The following GSTO2 variants were observed in gnomAD, a reference collection of about 807,000 sequenced individuals.
The protein encoded by GSTO2 is glutathione S-transferase omega 2.
A neutral mutation model predicts 28.4 loss-of-function variants in GSTO2; 23 were observed. The ratio of observed to expected loss-of-function variants is 0.81; its 90% confidence interval spans 0.58 to 1.15. GSTO2 has a LOEUF of 1.15. GSTO2 is among the 50% of genes most tolerant of loss of function. The pLI, the probability that GSTO2 is intolerant of heterozygous loss-of-function variation, is 0.00. For missense variants in GSTO2, 298 were observed against 297.8 expected (o/e 1.00, Z 0.00); for synonymous variants, 109 against 111.0 (o/e 0.98, Z 0.11).
Position 104,299,511 on chromosome 10 carries a change from T to G in GSTO2, c.*227T>G, listed in dbSNP as rs915689228. ...TTTTTTTTTTGAGGCAAGATCTTGC[T>G]TCGTTACTCAGGCTGGAGTGCAGTG... On this transcript the variant is annotated 3_prime_UTR_variant, in exon 7 of 7. Transcript: ENST00000338595. 42 of 478,434 alleles carry G rather than the reference T, an allele frequency of 8.8e-5. 3 individuals are homozygous for G. In the South Asian group the frequency reaches 9.2e-4, roughly 11 times the overall value. 29.6% of individuals were successfully genotyped at this position (478,434 alleles called of 1,614,324 possible).
chr10:104,275,537 T>A (rs1299246959), intron 3 of GSTO2, among the ~76,000 whole-genome samples: 5 of 152,126 alleles, frequency 3.3e-5, no homozygotes. Context: ...GAGTCACGCC[T>A]ATGCATGAAA....
At chr10:104,296,590 G>A (rs1431681582) in intron 5 of GSTO2, 3 of 132,942 alleles carry the variant, frequency 2.3e-5, no homozygotes, top group Non-Finnish European at 4.6e-5. Flanking sequence ...ACTCCAGCCT[G>A]AGTGACAGAG....
rs899143978 is a variant in GSTO2, at chr10:104,303,317, T to C, written c.*4033T>C. On this transcript the variant is annotated 3_prime_UTR_variant, in exon 7 of 7. Coordinates refer to ENST00000338595, the MANE Select transcript of GSTO2 (RefSeq NM_183239.2). ...GACAGTGAAGGCCAGGCTGAGGAGG[T>C]GATGGAAATGAGGAACTTACTGGGA... 3 of 151,800 alleles carry C rather than the reference T, an allele frequency of 2.0e-5. No individual in the cohort carries two copies. The highest frequency in any genetic ancestry group is 2.9e-5 in the Non-Finnish European group (2 of 67,946). The allele number at this position is 151,800 out of a possible 1,614,324, so 9.4% of individuals were successfully genotyped here.
In GSTO2 at chr10:104,277,838, C is replaced by T. The variant is rs543640208; in HGVS notation, c.144-56C>T. On this transcript the variant is annotated intron_variant, in intron 3 of 6. Coordinates refer to ENST00000338595, the MANE Select transcript of GSTO2 (RefSeq NM_183239.2). Reference sequence around the variant, plus strand: ...TTGCTTCTGCTTTCAAGAAGAGTGCCTGCCTGCAGATGCCTCTCATTTTTG... The same window carrying T: ...TTGCTTCTGCTTTCAAGAAGAGTGCTTGCCTGCAGATGCCTCTCATTTTTG... The T allele has an allele frequency of 8.2e-5, 96 of 1,175,154 alleles. 1 individual carries two copies. The South Asian group carries it at 1.2e-3, about 14-fold the overall frequency. 72.8% of individuals were successfully genotyped at this position (1,175,154 alleles called of 1,614,324 possible). A position where few individuals can be genotyped will look rare whatever the true frequency, so the allele number is the denominator to read the frequency against.
intron 5 of GSTO2, among the ~76,000 whole-genome samples, chr10:104,279,824 T>G (rs1159811991): frequency 6.6e-6 from 1 of 152,160 alleles, no homozygotes; most frequent in African/African-American, 2.4e-5. Context: ...AAATTCATGT[T>G]GTAAGGGTTT....
chr10:104,275,076 A>T, intron 2 of GSTO2, 127 bp downstream of exon 2: 1 of 1,500,660 alleles, frequency 6.7e-7, no homozygotes, highest in South Asian at 1.3e-5. Context: ...GGCTCTCCTG[A>T]AGAAAAGCCA....
At chr10:104,274,295 G>C (rs1453674204) in intron 1 of GSTO2, among the ~76,000 whole-genome samples, 1 of 152,118 alleles carries the variant, frequency 6.6e-6, no homozygotes, top group Non-Finnish European at 1.5e-5. Flanking sequence ...AGGTGTCTAG[G>C]GTGCAAAATG....
chr10:104,280,754 A>G (rs2011988068), intron 5 of GSTO2, among the ~76,000 whole-genome samples: 1 of 152,194 alleles, frequency 6.6e-6, no homozygotes, highest in East Asian at 1.9e-4. Flanking sequence ...TGGTTCCTCT[A>G]TTGGCAGCCA....
chr10:104,286,468 A>G (rs2012429279), intron 5 of GSTO2, among the ~76,000 whole-genome samples: 1 of 152,206 alleles, frequency 6.6e-6, no homozygotes, highest in Non-Finnish European at 1.5e-5. Flanking sequence ...CATTTTGTTT[A>G]TCCACATCTG....
intron 2 of GSTO2, 77 bp from the exon 3 acceptor site, chr10:104,275,149 G>C: frequency 1.3e-6 from 2 of 1,539,876 alleles, no homozygotes; most frequent in Non-Finnish European, 1.7e-6. Flanking sequence ...TTGGGATCTG[G>C]GCAAGTGAGC....
At chr10:104,270,305 G>A (rs528624937) in intron 1 of GSTO2, among the ~76,000 whole-genome samples, 1 of 152,182 alleles carries the variant, frequency 6.6e-6, no homozygotes, top group African/African-American at 2.4e-5. Context: ...GAGCCACCGC[G>A]CCCGGCCTGT....
chr10:104,273,016 T>C (rs1446967308), intron 1 of GSTO2, among the ~76,000 whole-genome samples: 3 of 152,256 alleles, frequency 2.0e-5, no homozygotes, highest in Non-Finnish European at 4.4e-5. Context: ...AACCCTCTTA[T>C]GGCCTTTTTT....
rs157077 is a variant in GSTO2 at position 104,278,136 on chromosome 10, T to A, written c.366+20T>A. 1 of 1,583,250 alleles carries A rather than the reference T, an allele frequency of 6.3e-7. No homozygotes were observed. The highest frequency in any genetic ancestry group is 8.7e-7 in the Non-Finnish European group (1 of 1,154,372). ...TGTAAGGTATATTCAATTTAAAAAG[T>A]CACTCACACTGTATTTTACTTTGCA... On this transcript the variant is annotated intron_variant, in intron 4 of 6. Coordinates refer to ENST00000338595, the MANE Select transcript of GSTO2 (RefSeq NM_183239.2).
chr10:104,299,632 C>T lies in GSTO2; in HGVS notation c.*348C>T, dbSNP rs45579835. 2,419 of 239,164 alleles carry T rather than the reference C, an allele frequency of 0.01. 23 individuals carry two copies. Among genetic ancestry groups the T allele is most frequent in the Non-Finnish European group, 0.014 (1,695 of 122,700 alleles). The allele number at this position is 239,164 out of a possible 1,614,324, so 14.8% of individuals were successfully genotyped here. A position where few individuals can be genotyped will look rare whatever the true frequency, so the allele number is the denominator to read the frequency against. On this transcript the variant is annotated 3_prime_UTR_variant, in exon 7 of 7. Transcript: ENST00000338595. ...CTAGGACTACAGGTATGTGTCACCA[C>T]GCCCAGCTAATTTTTAAAAAAATGT...
At chr10:104,271,695 T>G (rs1589852830) in intron 1 of GSTO2, among the ~76,000 whole-genome samples, 1 of 152,270 alleles carries the variant, frequency 6.6e-6, no homozygotes, top group East Asian at 1.9e-4. Flanking sequence ...ATTTCAGAAC[T>G]TGATTTCCCA....
intron 5 of GSTO2, among the ~76,000 whole-genome samples, chr10:104,282,888 G>C (rs1236407893): frequency 6.6e-6 from 1 of 152,178 alleles, no homozygotes; most frequent in Non-Finnish European, 1.5e-5. Context: ...GGTCTCTACT[G>C]GACCTTTGGA....
At chr10:104,277,827 A>C in intron 3 of GSTO2, 67 bp from the exon 4 acceptor site, 2 of 1,077,756 alleles carry the variant, frequency 1.9e-6, no homozygotes, top group South Asian at 2.6e-5. Context: ...TTCTGCTTTC[A>C]AGAAGAGTGC....
intron 5 of GSTO2, among the ~76,000 whole-genome samples, chr10:104,285,357 C>A (rs548826938): frequency 2.0e-5 from 3 of 152,254 alleles, no homozygotes; most frequent in African/African-American, 7.2e-5. Flanking sequence ...TCGTCTTGAG[C>A]TCCTGGGCTC....
rs1160224961 is a variant in GSTO2, at chr10:104,303,570, AG to A, written c.*4290del. On this transcript the variant is annotated 3_prime_UTR_variant, in exon 7 of 7. Coordinates refer to ENST00000338595, the MANE Select transcript of GSTO2 (RefSeq NM_183239.2). ...ATGTTAAGTTGGAACTTATATTTACAGGGGAAGCAGAGCGTAAAAGTTTGGA... is the reference window on the plus strand; with the variant it reads ...ATGTTAAGTTGGAACTTATATTTACAGGGAAGCAGAGCGTAAAAGTTTGGA... 6.6e-6 allele frequency: 1 copy of A among 152,234 alleles called. No individual in the cohort carries two copies. Among genetic ancestry groups the A allele is most frequent in the Non-Finnish European group, 1.5e-5 (1 of 68,042 alleles). The allele number at this position is 152,234 out of a possible 1,614,324, so 9.4% of individuals were successfully genotyped here.
Sources: allele counts gnomAD v4.1 joint callset (sites outside exome capture counted in the v4.1 genomes callset), GRCh38; gene constraint gnomAD v4.1.1; transcripts MANE v1.5; gene names NCBI Gene and HGNC (gene_info 2026-07-23, HGNC 2026-07-21).